The following RANBP2 variants were observed in gnomAD, a reference collection of about 807,000 sequenced individuals.
The protein encoded by RANBP2 is E3 SUMO-protein ligase RanBP2.
Under a neutral mutation model 303.6 loss-of-function variants are expected in RANBP2, and 57 were observed. That is an observed-to-expected ratio of 0.19 (90% CI 0.15 to 0.23). RANBP2 has a LOEUF of 0.23. Ranked by LOEUF, RANBP2 falls within the 10% of genes least tolerant of loss-of-function variation. The pLI is 1.00. For synonymous variants in RANBP2, 1,167 were observed against 1,301.5 expected (o/e 0.90, Z 2.23); for missense variants, 3,138 against 3,780.8 (o/e 0.83, Z 4.46).
the RANBP2 span, among the ~76,000 whole-genome samples, chr2:109,257,478 C>T: frequency 5.3e-5 from 8 of 152,182 alleles, no homozygotes; most frequent in Admixed American, 2.6e-4. Flanking sequence ...TTGTAAATAG[C>T]AGCTGCCCTG....
At chr2:109,257,836 A>G in the RANBP2 span, among the ~76,000 whole-genome samples, 1 of 152,066 alleles carries the variant, frequency 6.6e-6, no homozygotes, top group Non-Finnish European at 1.5e-5. Flanking sequence ...CTTTTTTGGA[A>G]ACCCCACTTT....
At chr2:109,317,300 G>A in the RANBP2 span, among the ~76,000 whole-genome samples, 35 of 152,166 alleles carry the variant, frequency 2.3e-4, no homozygotes, top group Non-Finnish European at 4.4e-4. Context: ...GTGACAGGGC[G>A]ACAGCAATGC....
the RANBP2 span, among the ~76,000 whole-genome samples, chr2:109,168,945 A>G: frequency 2.0e-5 from 3 of 152,240 alleles, no homozygotes; most frequent in South Asian, 6.2e-4. Flanking sequence ...CATCTTCTCG[A>G]GGGCTCAGTA....
At chr2:109,570,491 A>G in the RANBP2 span, among the ~76,000 whole-genome samples, 1 of 151,952 alleles carries the variant, frequency 6.6e-6, no homozygotes, top group African/African-American at 2.4e-5. Flanking sequence ...AAAATACAAT[A>G]TAACAACTAT....
At chr2:109,054,930 G>T in the RANBP2 span, among the ~76,000 whole-genome samples, 2 of 152,280 alleles carry the variant, frequency 1.3e-5, no homozygotes, top group South Asian at 4.1e-4. Context: ...ATGTTGCTCT[G>T]TGTCTCAGCA....
the RANBP2 span, among the ~76,000 whole-genome samples, chr2:109,026,593 C>T: frequency 3.3e-5 from 5 of 152,254 alleles, no homozygotes; most frequent in East Asian, 7.7e-4. Flanking sequence ...GTGTAGGATA[C>T]ACTGGATATG....
At chr2:109,334,917 C>T in the RANBP2 span, among the ~76,000 whole-genome samples, 2 of 152,212 alleles carry the variant, frequency 1.3e-5, no homozygotes, top group Non-Finnish European at 2.9e-5. Flanking sequence ...GCTTTTTAGG[C>T]TGGCCTTCCT....
chr2:108,800,619 T>C, the RANBP2 span, among the ~76,000 whole-genome samples: 2 of 138,842 alleles, frequency 1.4e-5, no homozygotes, highest in East Asian at 4.1e-4. Context: ...TTTTTTTTTT[T>C]TTTTTTTTTT....
At chr2:108,829,506 G>T in the RANBP2 span, among the ~76,000 whole-genome samples, 1 of 152,212 alleles carries the variant, frequency 6.6e-6, no homozygotes, top group Non-Finnish European at 1.5e-5. Flanking sequence ...AGCACTTTGG[G>T]AGGCCAAGGC....
the RANBP2 span, among the ~76,000 whole-genome samples, chr2:109,215,649 T>C: frequency 6.6e-6 from 1 of 151,708 alleles, no homozygotes; most frequent in Admixed American, 6.6e-5. Context: ...GGTGCTGGGC[T>C]CTCACCTACG....
At chr2:109,585,343 C>T in the RANBP2 span, 25 of 1,553,264 alleles carry the variant, frequency 1.6e-5, no homozygotes, top group Non-Finnish European at 2.1e-5. Flanking sequence ...AAAGGTACAT[C>T]TTTATGGTTG....
chr2:109,633,859 C>T, the RANBP2 span, among the ~76,000 whole-genome samples: 1 of 149,000 alleles, frequency 6.7e-6, no homozygotes, highest in African/African-American at 2.4e-5. Flanking sequence ...CAATGGCTCA[C>T]GTCTGTAATT....
the RANBP2 span, among the ~76,000 whole-genome samples, chr2:109,229,986 G>A: frequency 3.3e-5 from 5 of 151,884 alleles, no homozygotes; most frequent in East Asian, 1.9e-4. Flanking sequence ...CAGTATGCCC[G>A]GCTAATTTTT....
chr2:109,449,840 G>A, the RANBP2 span, among the ~76,000 whole-genome samples: 2 of 152,170 alleles, frequency 1.3e-5, no homozygotes, highest in Admixed American at 6.5e-5. Context: ...CCATGTGCTG[G>A]GATATTGTAA....
chr2:108,995,342 T>G, the RANBP2 span, among the ~76,000 whole-genome samples: 1 of 152,160 alleles, frequency 6.6e-6, no homozygotes, highest in Non-Finnish European at 1.5e-5. Flanking sequence ...AAATCACACC[T>G]ATTACAACAT....
chr2:109,717,791 G>T, the RANBP2 span, among the ~76,000 whole-genome samples: 3 of 151,100 alleles, frequency 2.0e-5, no homozygotes, highest in Non-Finnish European at 4.4e-5. Context: ...GCAGGTGCCT[G>T]TAGTCCCAGC....
the RANBP2 span, among the ~76,000 whole-genome samples, chr2:109,182,183 G>A: frequency 6.6e-6 from 1 of 151,950 alleles, no homozygotes; most frequent in Non-Finnish European, 1.5e-5. Flanking sequence ...AACAATAGAA[G>A]TGTATTTGAC....
the RANBP2 span, among the ~76,000 whole-genome samples, chr2:108,960,586 A>C: frequency 6.6e-6 from 1 of 152,200 alleles, no homozygotes; most frequent in African/African-American, 2.4e-5. Flanking sequence ...TGGCTCTGTC[A>C]CTGATAGGTT....
At chr2:108,802,864 T>C in the RANBP2 span, among the ~76,000 whole-genome samples, 1 of 152,236 alleles carries the variant, frequency 6.6e-6, no homozygotes, top group East Asian at 1.9e-4. Context: ...TGTCAAAGGC[T>C]TTTTCTGCAT....
Sources: gnomAD v4.1 joint callset for allele counts (sites outside exome capture counted in the v4.1 genomes callset) on GRCh38, gnomAD v4.1.1 for gene constraint, MANE v1.5 for transcripts, NCBI Gene and HGNC (gene_info 2026-07-23, HGNC 2026-07-21) for gene names.